Variants in MSANTD2 observed in about 807,000 individuals in gnomAD.
The protein encoded by MSANTD2 is Myb/SANT DNA binding domain containing 2.
MSANTD2 carries 19 observed loss-of-function variants against 52.6 expected under a neutral mutation model. The observed-to-expected ratio is 0.36, with a 90% CI of 0.25 to 0.53. The LOEUF is 0.53. Among genes scored for constraint, MSANTD2 ranks in the 20% least tolerant of loss-of-function variants. The pLI is 0.91. For synonymous variants in MSANTD2, 291 were observed against 289.7 expected, an observed-to-expected ratio of 1.00 and a Z score of -0.04; for missense variants, 558 against 716.3, an observed-to-expected ratio of 0.78 and a Z score of 2.52.
At chr11:124,796,422 G>A (rs1945495853) in intron 1 of MSANTD2, among the ~76,000 whole-genome samples, 1 of 152,134 alleles carries the variant, frequency 6.6e-6, no homozygotes, top group African/African-American at 2.4e-5. Flanking sequence ...TATTTACTGG[G>A]TTTTCATAGT....
intron 1 of MSANTD2, chr11:124,784,342 T>C (rs1945087799): frequency 1.0e-6 from 1 of 985,162 alleles, no homozygotes; most frequent in Non-Finnish European, 1.2e-6. Flanking sequence ...TTTATTAGTA[T>C]GTGATATCTA....
intron 3 of MSANTD2, among the ~76,000 whole-genome samples, chr11:124,769,889 C>T (rs1944437616): frequency 6.6e-6 from 1 of 152,220 alleles, no homozygotes; most frequent in Non-Finnish European, 1.5e-5. Context: ...GAATCTCTCA[C>T]CCTGAGAGCT....
rs1006914732 is a variant in MSANTD2, at chr11:124,774,927, T to C, written c.558A>G (p.Lys186=). ...GTTCAAATGTGTAACTGCTCTTTCT[T>C]TTCCCAACACCATGTTCTTTCACCC... ...YSRVKEHGVG[K]RKSSYTFEQL... Residue 186 remains lysine (K), a synonymous_variant, in exon 2 of 4, where the codon AAA becomes AAG. Transcript: ENST00000374979. This position sits in a 1 kb window ranked among gnomAD's most constrained non-coding sequence, Gnocchi z 5.1. 4 of 1,595,548 alleles carry C rather than the reference T, an allele frequency of 2.5e-6. No individual in the cohort carries two copies. Among genetic ancestry groups the C allele is most frequent in the Non-Finnish European group, 3.4e-6 (4 of 1,173,554 alleles).
At chr11:124,791,157 G>A in intron 1 of MSANTD2, 2 of 867,376 alleles carry the variant, frequency 2.3e-6, no homozygotes, top group Non-Finnish European at 3.7e-6. Flanking sequence ...GGGACAAAAG[G>A]TGAATGGGAG....
rs541912092 is a variant in MSANTD2, at chr11:124,779,651, A to G, written c.511-4677T>C. ...CTGCAAGGAGGACAGCTTAGTTATAATAGCAGGAAACAATGTTACAAGAAA... is the reference window on the plus strand; with the variant it reads ...CTGCAAGGAGGACAGCTTAGTTATAGTAGCAGGAAACAATGTTACAAGAAA... On this transcript the variant is annotated intron_variant, in intron 1 of 3. Coordinates refer to ENST00000374979, the MANE Select transcript of MSANTD2 (RefSeq NM_001308027.2). This position sits in a 1 kb window ranked among gnomAD's most constrained non-coding sequence, Gnocchi z 4.6. Among the ~76,000 whole-genome samples, 10 of 152,344 alleles carry G rather than the reference A, an allele frequency of 6.6e-5. No homozygotes were observed. The highest frequency in any genetic ancestry group is 2.4e-4 in the African/African-American group (10 of 41,576).
chr11:124,778,038 G>A (rs7934554), intron 1 of MSANTD2, among the ~76,000 whole-genome samples: 8,708 of 152,154 alleles, frequency 0.057, 705 homozygotes, highest in African/African-American at 0.18. Flanking sequence ...CCACAATAAA[G>A]CAAAAGAGGT....
intron 1 of MSANTD2, among the ~76,000 whole-genome samples, chr11:124,787,717 T>C (rs937804813): frequency 6.6e-6 from 1 of 152,224 alleles, no homozygotes; most frequent in Non-Finnish European, 1.5e-5. Flanking sequence ...AAAATAAACA[T>C]CTTTTTGCTC....
At chr11:124,786,530 T>C (rs1246606477) in intron 1 of MSANTD2, among the ~76,000 whole-genome samples, 1 of 152,212 alleles carries the variant, frequency 6.6e-6, no homozygotes, top group African/African-American at 2.4e-5. Context: ...TTTCTGCTCC[T>C]ATAATTCAAA....
rs554352235 is a variant in MSANTD2 at position 124,772,738 on chromosome 11, G to A, written c.827+256C>T. Among the ~76,000 whole-genome samples, 5 of 86,404 alleles carry A rather than the reference G, an allele frequency of 5.8e-5. No homozygotes were observed. The South Asian group carries it at 1.2e-3, about 21-fold the overall frequency. The allele number at this position is 86,404 out of a possible 152,430, so 56.7% of individuals were successfully genotyped here. On this transcript the variant is annotated intron_variant, in intron 3 of 3. Transcript: ENST00000374979. ...GGTGACAGAGCGAGAGCGAGATTCC[G>A]TCTCAAAAAAAAAAAAAAAAAAAAA...
chr11:124,778,797 A>G (rs1944842442), intron 1 of MSANTD2, among the ~76,000 whole-genome samples: 1 of 152,198 alleles, frequency 6.6e-6, no homozygotes, highest in African/African-American at 2.4e-5. Context: ...GCCAAAGTTT[A>G]AGATTAGAGT....
rs1376626472 is a variant in MSANTD2, at chr11:124,774,929, T to C, written c.556A>G (p.Lys186Glu). 6.3e-7 allele frequency: 1 copy of C among 1,593,650 alleles called. No individual in the cohort carries two copies. Among genetic ancestry groups the C allele is most frequent in the Non-Finnish European group, 8.5e-7 (1 of 1,172,832 alleles). ...YSRVKEHGVG[K>E]RKSSYTFEQL... ...TCAAATGTGTAACTGCTCTTTCTTTTCCCAACACCATGTTCTTTCACCCGA... is the reference window on the plus strand; with the variant it reads ...TCAAATGTGTAACTGCTCTTTCTTTCCCCAACACCATGTTCTTTCACCCGA... Residue 186 changes from lysine to glutamate, a missense_variant, in exon 2 of 4, where the codon AAA (lysine) becomes GAA (glutamate). Lys to Glu is a moderately conservative substitution (Grantham distance 56). Transcript: ENST00000374979. The surrounding 1 kb of genome is among the most constrained non-coding windows in gnomAD (Gnocchi z 5.1).
chr11:124,781,891 G>A (rs1340181724), intron 1 of MSANTD2, among the ~76,000 whole-genome samples: 1 of 152,078 alleles, frequency 6.6e-6, no homozygotes, highest in Non-Finnish European at 1.5e-5. Flanking sequence ...GACCTCAGGT[G>A]ATCTGCCTGC....
At chr11:124,768,120 G>A in intron 3 of MSANTD2, 92 bp from the exon 4 acceptor site, 1 of 1,245,656 alleles carries the variant, frequency 8.0e-7, no homozygotes, top group Non-Finnish European at 1.1e-6. Context: ...TTCTGTATCT[G>A]CTGCCCAATA....
chr11:124,796,557 C>T (rs1366154197), intron 1 of MSANTD2, among the ~76,000 whole-genome samples: 2 of 152,082 alleles, frequency 1.3e-5, no homozygotes, highest in African/African-American at 2.4e-5. Context: ...AGCGATCCTC[C>T]CACCTCACCC....
At chr11:124,781,673 GAC>G (rs1944975638) in intron 1 of MSANTD2, among the ~76,000 whole-genome samples, 1 of 133,956 alleles carries the variant, frequency 7.5e-6, no homozygotes, top group African/African-American at 3.0e-5. Flanking sequence ...TTTTTTTTGA[GAC>G]AGATTCTCGC....
intron 1 of MSANTD2, among the ~76,000 whole-genome samples, chr11:124,777,349 G>A (rs1160671356): frequency 6.6e-6 from 1 of 152,154 alleles, no homozygotes; most frequent in Non-Finnish European, 1.5e-5. Context: ...TGTTGCTGAC[G>A]GTTATTTCGG....
At chr11:124,782,653 G>A (rs1945020749) in intron 1 of MSANTD2, among the ~76,000 whole-genome samples, 1 of 152,146 alleles carries the variant, frequency 6.6e-6, no homozygotes, top group Admixed American at 6.5e-5. Flanking sequence ...TATTTCACTA[G>A]ATTGTAAGCT....
intron 1 of MSANTD2, among the ~76,000 whole-genome samples, chr11:124,786,117 T>A: frequency 8.0e-6 from 1 of 124,318 alleles, no homozygotes; most frequent in African/African-American, 3.2e-5. Flanking sequence ...TTTTTTTTTT[T>A]AGTATGGGGT....
intron 1 of MSANTD2, among the ~76,000 whole-genome samples, chr11:124,798,051 A>C (rs990041827): frequency 2.0e-5 from 3 of 152,062 alleles, no homozygotes; most frequent in Non-Finnish European, 4.4e-5. Context: ...ATGCACTTCT[A>C]AACTCAAGAA....
Sources: gnomAD v4.1 joint callset for allele counts (sites outside exome capture counted in the v4.1 genomes callset) on GRCh38, gnomAD v4.1.1 for gene constraint, Gnocchi (gnomAD v3.1) non-coding constraint, MANE v1.5 for transcripts, NCBI Gene and HGNC (gene_info 2026-07-23, HGNC 2026-07-21) for gene names.